Variants in ANTXR2 observed in about 807,000 individuals in gnomAD.
ANTXR2 encodes the protein anthrax toxin receptor 2.
Under a neutral mutation model 73.7 loss-of-function variants are expected in ANTXR2, and 44 were observed. The observed-to-expected ratio is 0.60, with a 90% CI of 0.47 to 0.77. ANTXR2 has a LOEUF of 0.77. Ranked by LOEUF, ANTXR2 falls within the 30% of genes least tolerant of loss-of-function variation. The pLI is 0.00. For missense variants in ANTXR2, 604 were observed against 592.5 expected, an observed-to-expected ratio of 1.02 and a Z score of -0.20; for synonymous variants, 217 against 205.9, an observed-to-expected ratio of 1.05 and a Z score of -0.46.
chr4:80,023,475 G>T (rs1334651470), intron 10 of ANTXR2, among the ~76,000 whole-genome samples: 1 of 152,182 alleles, frequency 6.6e-6, no homozygotes, highest in Non-Finnish European at 1.5e-5. Flanking sequence ...TAAAATGGCT[G>T]CAGTAACAAA....
At chr4:79,929,887 T>C (rs1727991998) in intron 16 of ANTXR2, among the ~76,000 whole-genome samples, 1 of 152,236 alleles carries the variant, frequency 6.6e-6, no homozygotes, top group Admixed American at 6.5e-5. Flanking sequence ...TAGTTCTTTT[T>C]ATACCCCAAG....
chr4:80,015,473 C>T (rs1731792368), intron 11 of ANTXR2, among the ~76,000 whole-genome samples: 1 of 152,140 alleles, frequency 6.6e-6, no homozygotes, highest in Admixed American at 6.5e-5. Flanking sequence ...TAAAAGCTTT[C>T]TCTGTGCCTT....
At position 80,072,507 on chromosome 4, in the gene ANTXR2, C is replaced by T. The variant is rs1454402099; in HGVS notation, c.54G>A (p.Gly18=). 6.2e-7 allele frequency: 1 copy of T among 1,605,474 alleles called. No homozygotes were observed. Among genetic ancestry groups the T allele is most frequent in the Admixed American group, 1.7e-5 (1 of 59,038 alleles). The change falls in exon 1 of 17, where the codon GGG becomes GGA. Residue 18 remains glycine (G), a synonymous_variant. Transcript: ENST00000403729. ...GACCGCTGAGCACCAACAGCCACAG[C>T]CCGGGGAACAGCCAGCTCCCGGGGC... The part of the protein sequence containing the change: ...ARSPGSWLFP[G]LWLLVLSGPG...
intron 14 of ANTXR2, among the ~76,000 whole-genome samples, chr4:79,982,635 T>G (rs1052069930): frequency 3.9e-5 from 6 of 152,182 alleles, no homozygotes; most frequent in African/African-American, 1.4e-4. Flanking sequence ...TATTGTTTGC[T>G]ATTCTCAGTT....
intron 10 of ANTXR2, among the ~76,000 whole-genome samples, chr4:80,019,368 C>CA (rs1182846139): frequency 6.6e-6 from 1 of 151,244 alleles, no homozygotes; most frequent in African/African-American, 2.4e-5. Context: ...GACTCAGTCT[C>CA]AAAAAAAAGG....
At chr4:79,910,688 T>C (rs923734992) in intron 16 of ANTXR2, among the ~76,000 whole-genome samples, 5 of 151,988 alleles carry the variant, frequency 3.3e-5, no homozygotes, top group African/African-American at 9.7e-5. Context: ...GAGTACACAA[T>C]CACACAGACC....
At chr4:79,980,921 T>TAAAAAAAAAA (rs11397721) in intron 14 of ANTXR2, among the ~76,000 whole-genome samples, 2 of 137,562 alleles carry the variant, frequency 1.5e-5, no homozygotes, top group African/African-American at 5.5e-5. Context: ...TTAAGGGCTT[T>TAAAAAAAAAA]AAAAAAAAAA....
Position 79,984,838 on chromosome 4 carries a change from G to A in ANTXR2, c.1067C>T (p.Pro356Leu). 1.9e-6 allele frequency: 3 copies of A among 1,605,972 alleles called. No homozygotes were observed. The highest frequency in any genetic ancestry group is 2.6e-6 in the Non-Finnish European group (3 of 1,175,314). Residue 356 changes from proline to leucine, a missense_variant, in exon 13 of 17, where the codon CCC becomes CTC. Pro to Leu is a moderately conservative substitution (Grantham distance 98). Coordinates refer to ENST00000403729, the MANE Select transcript of ANTXR2 (RefSeq NM_058172.6). ...KVVIKDPPPP[P>L]APAPKEEEEE... ...ACTTACCTCTTTTGGTGCAGGGGCG[G>A]GTGGTGGTGGAGGATCCTTAATAAC...
chr4:79,907,484 A>G lies in ANTXR2; in HGVS notation c.1429-17T>C, dbSNP rs773069838. 1.4e-5 allele frequency: 22 copies of G among 1,610,848 alleles called. No homozygotes were observed. The Admixed American group carries it at 3.7e-4, about 27-fold the overall frequency. On this transcript the variant is annotated splice_polypyrimidine_tract_variant and intron_variant, in intron 16 of 16. Transcript: ENST00000403729. ...GCACCGGCCCTGAAGAAAGAAATAAATCCATATTGAAATATTGAAGCCATT... is the reference window on the plus strand; with the variant it reads ...GCACCGGCCCTGAAGAAAGAAATAAGTCCATATTGAAATATTGAAGCCATT...
At chr4:80,066,181 T>C (rs1371384253) in intron 3 of ANTXR2, among the ~76,000 whole-genome samples, 2 of 152,196 alleles carry the variant, frequency 1.3e-5, no homozygotes, top group Non-Finnish European at 2.9e-5. Flanking sequence ...TGTCCTTTAT[T>C]GGAGGTTGTC....
At chr4:80,035,945 T>C in intron 8 of ANTXR2, 27 bp downstream of exon 8, 1 of 1,502,240 alleles carries the variant, frequency 6.7e-7, no homozygotes, top group Non-Finnish European at 9.0e-7. Flanking sequence ...ATTTCTTACA[T>C]GGTATTTTTA....
At position 80,025,129 on chromosome 4, in the gene ANTXR2, C is replaced by A. The variant is rs6831894; in HGVS notation, c.867-6153G>T. ...TGATTGAAGTGTACTTTCATGTCAA[C>A]TGACAATTAATAGTAATAAAATTAA... is the stretch of plus-strand genomic sequence containing the variant. On this transcript the variant is annotated intron_variant, in intron 10 of 16. Coordinates refer to ENST00000403729, the MANE Select transcript of ANTXR2 (RefSeq NM_058172.6). Among the ~76,000 whole-genome samples the A allele has an allele frequency of 6.8e-3, 1,032 of 152,300 alleles. 8 individuals are homozygous for A. Among genetic ancestry groups the A allele is most frequent in the African/African-American group, 0.023 (972 of 41,552 alleles).
At chr4:80,014,877 T>C (rs1560991857) in intron 11 of ANTXR2, among the ~76,000 whole-genome samples, 1 of 152,206 alleles carries the variant, frequency 6.6e-6, no homozygotes, top group Non-Finnish European at 1.5e-5. Flanking sequence ...AATTAGCAGA[T>C]ACTGGTGGCC....
chr4:80,029,187 T>C (rs935189375), intron 10 of ANTXR2, among the ~76,000 whole-genome samples: 3 of 152,182 alleles, frequency 2.0e-5, no homozygotes, highest in Non-Finnish European at 4.4e-5. Context: ...CCGATGGTAT[T>C]CTCTTCTAAA....
chr4:79,911,927 G>T (rs1727160103), intron 16 of ANTXR2, among the ~76,000 whole-genome samples: 1 of 151,870 alleles, frequency 6.6e-6, no homozygotes, highest in Admixed American at 6.6e-5. Flanking sequence ...CAACCAACTT[G>T]AATTTGATAT....
intron 16 of ANTXR2, among the ~76,000 whole-genome samples, chr4:79,929,567 G>T (rs1464593564): frequency 1.3e-5 from 2 of 152,120 alleles, no homozygotes; most frequent in African/African-American, 4.8e-5. Context: ...TGAAAGAGGA[G>T]AAAGAATAAA....
In ANTXR2 at chr4:79,907,366, G is replaced by A; in HGVS notation, c.*63C>T. On this transcript the variant is annotated 3_prime_UTR_variant, in exon 17 of 17. Coordinates refer to ENST00000403729, the MANE Select transcript of ANTXR2 (RefSeq NM_058172.6). ...AAATGCACTTGATTTTTTTCATTTG[G>A]TTGAAAATCAGCTATGTGAAAATGT... is the stretch of plus-strand genomic sequence containing the variant. 6.5e-7 allele frequency: 1 copy of A among 1,534,218 alleles called. No individual in the cohort carries two copies. Among genetic ancestry groups the A allele is most frequent in the Non-Finnish European group, 9.0e-7 (1 of 1,115,236 alleles).
chr4:79,923,940 T>C (rs935852998), intron 16 of ANTXR2, among the ~76,000 whole-genome samples: 1 of 152,130 alleles, frequency 6.6e-6, no homozygotes, highest in African/African-American at 2.4e-5. Context: ...ATTATTAAAT[T>C]TGGAAAAGAA....
Position 79,978,006 on chromosome 4 carries a change from C to G in ANTXR2, c.1347+1G>C. 1.3e-6 allele frequency: 2 copies of G among 1,583,154 alleles called. No individual in the cohort carries two copies. Among genetic ancestry groups the G allele is most frequent in the Non-Finnish European group, 1.7e-6 (2 of 1,168,762 alleles). On this transcript the variant is annotated splice_donor_variant, in intron 15 of 16. Transcript: ENST00000403729. LOFTEE classifies it high-confidence loss of function. ...AAATTACACAAAATCTGGACACATA[C>G]CTTAATTGGGGTGTACCATTTTGTC...
Sources: allele counts gnomAD v4.1 joint callset (sites outside exome capture counted in the v4.1 genomes callset), GRCh38; gene constraint gnomAD v4.1.1; transcripts MANE v1.5; gene names NCBI Gene and HGNC (gene_info 2026-07-23, HGNC 2026-07-21).